USP13: variants seen among roughly 807,000 people sequenced by gnomAD.
The protein encoded by USP13 is ubiquitin carboxyl-terminal hydrolase 13.
Under a neutral mutation model 107.8 loss-of-function variants are expected in USP13, and 68 were observed. The ratio of observed to expected loss-of-function variants is 0.63; its 90% CI spans 0.52 to 0.77. The LOEUF (loss-of-function observed/expected upper bound fraction) is 0.77, where lower values mean the gene tolerates loss of function less well. Ranked by LOEUF, USP13 falls within the 30% of genes least tolerant of loss-of-function variation. USP13 has a pLI of 0.00. For missense variants in USP13, 945 were observed against 1,093.3 expected (o/e 0.86, Z 1.91); for synonymous variants, 377 against 389.5 (o/e 0.97, Z 0.38).
At chr3:179,718,679 C>T (rs1343484321) in intron 6 of USP13, among the ~76,000 whole-genome samples, 1 of 152,214 alleles carries the variant, frequency 6.6e-6, no homozygotes, top group Non-Finnish European at 1.5e-5. Flanking sequence ...AGTCCTCCAA[C>T]TTCACTGTGC....
At chr3:179,778,514 A>T (rs1472645953) in intron 19 of USP13, among the ~76,000 whole-genome samples, 1 of 152,244 alleles carries the variant, frequency 6.6e-6, no homozygotes, top group East Asian at 1.9e-4. Flanking sequence ...CTGTAATCCC[A>T]GCACTTTGGG....
intron 3 of USP13, among the ~76,000 whole-genome samples, chr3:179,699,194 T>C (rs1243544517): frequency 1.3e-5 from 2 of 152,184 alleles, no homozygotes; most frequent in Non-Finnish European, 2.9e-5. Flanking sequence ...TATTAAACAT[T>C]TAGATTCCAA....
intron 1 of USP13, among the ~76,000 whole-genome samples, chr3:179,659,615 CA>C: frequency 6.6e-6 from 1 of 152,168 alleles, no homozygotes; most frequent in South Asian, 2.1e-4. Flanking sequence ...ATTTAATCAT[CA>C]CAACAACCCT....
Position 179,783,736 on chromosome 3 carries a change from C to G in USP13, c.2499-312C>G, listed in dbSNP as rs1460916354. ...AAGCAGTTGTAGCTGGGTATGATGG[C>G]ATGTGCCTGTGTTCCCAGCTACTCC... On this transcript the variant is annotated intron_variant, in intron 20 of 20. Coordinates refer to ENST00000263966, the MANE Select transcript of USP13 (RefSeq NM_003940.3). Among the ~76,000 whole-genome samples, 2 of 151,972 alleles carry G rather than the reference C, an allele frequency of 1.3e-5. 1 individual carries two copies. The highest frequency in any genetic ancestry group is 4.8e-5 in the African/African-American group (2 of 41,370).
chr3:179,706,825 T>C (rs1407548051), intron 4 of USP13, 109 bp from the exon 5 acceptor site: 20 of 1,288,914 alleles, frequency 1.6e-5, no homozygotes, highest in Non-Finnish European at 5.3e-6. Flanking sequence ...ACTACGCTGT[T>C]TGCGTTTCTT....
intron 13 of USP13, among the ~76,000 whole-genome samples, chr3:179,751,108 A>G (rs1277677244): frequency 1.3e-5 from 2 of 152,164 alleles, no homozygotes; most frequent in African/African-American, 4.8e-5. Context: ...TTTTACATAT[A>G]CCTACCACAC....
rs921937165 is a variant in USP13, at chr3:179,740,284, C to T, written c.1292C>T (p.Ala431Val). 6.2e-7 allele frequency: 1 copy of T among 1,614,026 alleles called. No homozygotes were observed. The highest frequency in any genetic ancestry group is 2.2e-5 in the East Asian group (1 of 44,886). ...GGGATCTCTCCGCGCATGTTTAAGG[C>T]CTTTGTAAGCAAGAGCCACCCGGAA... ...QNGISPRMFK[A>V]FVSKSHPEFS... is the part of the protein sequence containing the mutation. The change falls in exon 11 of 21, where the codon GCC becomes GTC. Residue 431 changes from alanine (A) to valine (V), a missense_variant. Transcript: ENST00000263966.
At chr3:179,654,594 T>A (rs535628488) in intron 1 of USP13, among the ~76,000 whole-genome samples, 1 of 152,326 alleles carries the variant, frequency 6.6e-6, no homozygotes, top group South Asian at 2.1e-4. Flanking sequence ...GTTATTTTTA[T>A]CCACCCACTT....
Position 179,653,792 on chromosome 3 carries a change from C to G in USP13, c.168+399C>G. ...ATCCCCCCACACCCCGGGACACACACAGCCCTTCTTTTTCTGGGACCACTT... is the reference window on the plus strand; with the variant it reads ...ATCCCCCCACACCCCGGGACACACAGAGCCCTTCTTTTTCTGGGACCACTT... On this transcript the variant is annotated intron_variant, in intron 1 of 20. Coordinates refer to ENST00000263966, the MANE Select transcript of USP13 (RefSeq NM_003940.3). This position sits in a 1 kb window ranked among gnomAD's most constrained non-coding sequence, Gnocchi z 4.0. 5.8e-6 allele frequency: 1 copy of G among 171,718 alleles called. No homozygotes were observed. 10.6% of individuals were successfully genotyped at this position (171,718 alleles called of 1,614,324 possible). A position where few individuals can be genotyped will look rare whatever the true frequency, so the allele number is the denominator to read the frequency against.
chr3:179,714,291 T>C (rs779832477), intron 6 of USP13, among the ~76,000 whole-genome samples: 8 of 152,198 alleles, frequency 5.3e-5, no homozygotes, highest in Non-Finnish European at 1.0e-4. Flanking sequence ...CAAGCTGGTC[T>C]TTCTTCTTTG....
At chr3:179,709,759 G>A (rs1381233838) in intron 6 of USP13, among the ~76,000 whole-genome samples, 5 of 152,154 alleles carry the variant, frequency 3.3e-5, no homozygotes, top group Non-Finnish European at 7.4e-5. Context: ...ATACCCAGCT[G>A]GTCTTCTCCA....
In USP13 at chr3:179,680,703, C is replaced by T. The variant is rs1233499759; in HGVS notation, c.169-1175C>T. 2.0e-5 allele frequency among the ~76,000 whole-genome samples: 3 copies of T among 152,020 alleles called. No homozygotes were observed. The East Asian group carries it at 5.8e-4, about 29-fold the overall frequency. ...GATTACAGGCACGCACCACCACGCC[C>T]GGCTAATTTTTGTATTCTTAGTAGA... On this transcript the variant is annotated intron_variant, in intron 1 of 20. Coordinates refer to ENST00000263966, the MANE Select transcript of USP13 (RefSeq NM_003940.3).
At chr3:179,756,043 T>C (rs1714780000) in intron 15 of USP13, among the ~76,000 whole-genome samples, 1 of 152,346 alleles carries the variant, frequency 6.6e-6, no homozygotes, top group East Asian at 1.9e-4. Flanking sequence ...GGGCATCAGA[T>C]AAATACAAGA....
In USP13 at chr3:179,757,079, G is replaced by C; in HGVS notation, c.1948+1G>C. On this transcript the variant is annotated splice_donor_variant, in intron 16 of 20. Transcript: ENST00000263966. LOFTEE classifies it high-confidence loss of function. ...CGCCTGATGAACCAATTGATAGACC[G>C]TATGTATCTTTAAAAATGTTTCTCA... is the stretch of plus-strand genomic sequence containing the variant. 6.2e-7 allele frequency: 1 copy of C among 1,613,688 alleles called. No homozygotes were observed. Among genetic ancestry groups the C allele is most frequent in the South Asian group, 1.1e-5 (1 of 91,042 alleles).
chr3:179,724,820 AT>A (rs1560063291), intron 8 of USP13, among the ~76,000 whole-genome samples: 2 of 152,210 alleles, frequency 1.3e-5, no homozygotes, highest in Non-Finnish European at 2.9e-5. Context: ...ACAATGGAAG[AT>A]TTCCTTCATC....
chr3:179,716,065 C>T (rs1464739013), intron 6 of USP13, among the ~76,000 whole-genome samples: 3 of 152,190 alleles, frequency 2.0e-5, no homozygotes, highest in Admixed American at 1.3e-4. Flanking sequence ...GCTGGGATTA[C>T]AGGCATGTGC....
rs969877690 is a variant in USP13 at position 179,742,927 on chromosome 3, A to G, written c.1534+577A>G. On this transcript the variant is annotated intron_variant, in intron 12 of 20. Coordinates refer to ENST00000263966, the MANE Select transcript of USP13 (RefSeq NM_003940.3). The surrounding 1 kb of genome is among the most constrained non-coding windows in gnomAD (Gnocchi z 5.0). Reference sequence around the variant, plus strand: ...ATGTTTGGTGCCTTCTCCTTCCATCAGTCTAAGCTGGTTCTTCCTAGGCAG... The same window carrying G: ...ATGTTTGGTGCCTTCTCCTTCCATCGGTCTAAGCTGGTTCTTCCTAGGCAG... 2.6e-5 allele frequency among the ~76,000 whole-genome samples: 4 copies of G among 152,208 alleles called. No homozygotes were observed. Among genetic ancestry groups the G allele is most frequent in the Non-Finnish European group, 5.9e-5 (4 of 68,034 alleles).
At chr3:179,715,755 A>G (rs1053035685) in intron 6 of USP13, among the ~76,000 whole-genome samples, 1 of 150,190 alleles carries the variant, frequency 6.7e-6, no homozygotes, top group Middle Eastern at 3.4e-3. Flanking sequence ...ACAGATGTGA[A>G]CTCCCGGTGG....
chr3:179,713,293 C>G (rs1157105212), intron 6 of USP13, among the ~76,000 whole-genome samples: 2 of 152,166 alleles, frequency 1.3e-5, no homozygotes, highest in African/African-American at 2.4e-5. Context: ...GAATATTGTG[C>G]AGAGTCAGTT....
Sources: allele counts gnomAD v4.1 joint callset (sites outside exome capture counted in the v4.1 genomes callset), GRCh38; gene constraint gnomAD v4.1.1; non-coding constraint Gnocchi (gnomAD v3.1); transcripts MANE v1.5; gene names NCBI Gene and HGNC (gene_info 2026-07-23, HGNC 2026-07-21).